The following ACAD11 variants were observed in gnomAD, a reference collection of about 807,000 sequenced individuals.
ACAD11 encodes the protein acyl-CoA dehydrogenase family member 11.
In ACAD11, 83 loss-of-function variants were observed where a neutral mutation model predicts 102.2. That is an observed-to-expected ratio of 0.81 (90% CI 0.68 to 0.97). ACAD11 has a LOEUF of 0.97. Ranked by LOEUF, ACAD11 falls within the 50% of genes least tolerant of loss-of-function variation. The pLI is 0.00. For synonymous variants in ACAD11, 324 were observed against 319.8 expected (o/e 1.01, Z -0.14); for missense variants, 901 against 951.7 (o/e 0.95, Z 0.70).
At chr3:132,611,322 G>A (rs1231422893) in intron 11 of ACAD11, among the ~76,000 whole-genome samples, 2 of 152,070 alleles carry the variant, frequency 1.3e-5, no homozygotes, top group Non-Finnish European at 1.5e-5. Context: ...ACAAGATAGG[G>A]ATGCCCTCTC....
At chr3:132,634,813 C>G (rs549130227) in intron 5 of ACAD11, among the ~76,000 whole-genome samples, 2 of 149,722 alleles carry the variant, frequency 1.3e-5, no homozygotes, top group South Asian at 2.1e-4. Context: ...GGACAAAAAA[C>G]CAAACACCAC....
chr3:132,592,548 T>C (rs547633873), intron 13 of ACAD11, among the ~76,000 whole-genome samples: 1 of 152,336 alleles, frequency 6.6e-6, no homozygotes, highest in African/African-American at 2.4e-5. Context: ...AAAATCATTT[T>C]CTAACAAAAG....
intron 7 of ACAD11, among the ~76,000 whole-genome samples, 175 bp from the exon 8 acceptor site, chr3:132,628,621 T>C (rs1217669416): frequency 6.6e-6 from 1 of 151,902 alleles, no homozygotes; most frequent in Non-Finnish European, 1.5e-5. Flanking sequence ...TTCTAAAGAG[T>C]CATACTCATA....
chr3:132,608,791 C>A (rs574663039), intron 11 of ACAD11, among the ~76,000 whole-genome samples: 1 of 152,258 alleles, frequency 6.6e-6, no homozygotes, highest in East Asian at 1.9e-4. Context: ...ACCAAGCAGA[C>A]CTAGTAGTCA....
chr3:132,626,586 AT>A, intron 9 of ACAD11, 104 bp downstream of exon 9: 1 of 1,332,564 alleles, frequency 7.5e-7, no homozygotes, highest in East Asian at 2.3e-5. Flanking sequence ...CTAGGTAAGG[AT>A]TGACTAAAGA....
At chr3:132,564,964 A>G (rs1937168752) in intron 17 of ACAD11, among the ~76,000 whole-genome samples, 2 of 152,162 alleles carry the variant, frequency 1.3e-5, no homozygotes, top group South Asian at 4.1e-4. Context: ...GAATCTAGTA[A>G]CCTGGAAATG....
At chr3:132,646,081 A>G (rs1193963600) in intron 1 of ACAD11, 1 of 148,672 alleles carries the variant, frequency 6.7e-6, no homozygotes, top group East Asian at 2.0e-4. Context: ...GGTTCACACC[A>G]TTCTCCTGCC....
intron 8 of ACAD11, among the ~76,000 whole-genome samples, chr3:132,627,270 C>T (rs1192873871): frequency 6.6e-6 from 1 of 152,164 alleles, no homozygotes; most frequent in African/African-American, 2.4e-5. Flanking sequence ...GGCAGGACCC[C>T]CCCTTTCTTT....
chr3:132,631,287 T>C, intron 6 of ACAD11, 54 bp downstream of exon 6: 2 of 1,112,970 alleles, frequency 1.8e-6, no homozygotes, highest in Non-Finnish European at 2.4e-6. Context: ...ATTATGAAAG[T>C]AATAAAGACA....
At chr3:132,623,264 G>T (rs1371507432) in intron 9 of ACAD11, among the ~76,000 whole-genome samples, 1 of 152,066 alleles carries the variant, frequency 6.6e-6, no homozygotes. Context: ...GACAAGTGCT[G>T]TTAAAGTATT....
intron 7 of ACAD11, among the ~76,000 whole-genome samples, chr3:132,630,092 T>C (rs1350182617): frequency 6.6e-6 from 1 of 152,146 alleles, no homozygotes; most frequent in African/African-American, 2.4e-5. Flanking sequence ...GGTTTCATAG[T>C]CTGAGGCAGA....
intron 1 of ACAD11, among the ~76,000 whole-genome samples, chr3:132,652,081 C>T (rs145343182): frequency 1.8e-4 from 28 of 152,208 alleles, no homozygotes; most frequent in African/African-American, 6.3e-4. Flanking sequence ...GTGTCCCCAC[C>T]CAAATCTTAT....
At chr3:132,655,447 T>A (rs918669686) in intron 1 of ACAD11, among the ~76,000 whole-genome samples, 21 of 152,218 alleles carry the variant, frequency 1.4e-4, no homozygotes, top group Non-Finnish European at 5.9e-5. Context: ...TTGCCCTTGC[T>A]TACACTACTT....
intron 11 of ACAD11, among the ~76,000 whole-genome samples, chr3:132,617,742 C>T (rs562511846): frequency 2.6e-5 from 4 of 152,184 alleles, no homozygotes; most frequent in Non-Finnish European, 5.9e-5. Context: ...AAGGTATAAG[C>T]CCCTCTTATT....
chr3:132,644,908 T>TAA lies in ACAD11; in HGVS notation c.150-14_150-13dup. ...TGGACTTTCCTGCTCTAGATAAAAG[T>TAA]AAAAAAAAAAAAGGTCAATTACAAA... On this transcript the variant is annotated splice_polypyrimidine_tract_variant and intron_variant, in intron 1 of 19. Transcript: ENST00000264990. 129 of 1,255,656 alleles carry TAA rather than the reference T, an allele frequency of 1.0e-4. No individual in the cohort carries two copies. Among genetic ancestry groups the TAA allele is most frequent in the Middle Eastern group, 2.0e-4 (1 of 4,896 alleles). 77.8% of individuals were successfully genotyped at this position (1,255,656 alleles called of 1,614,324 possible).
intron 11 of ACAD11, among the ~76,000 whole-genome samples, chr3:132,614,419 A>G (rs1042401711): frequency 6.6e-6 from 1 of 152,240 alleles, no homozygotes; most frequent in African/African-American, 2.4e-5. Flanking sequence ...ACCTGACTTC[A>G]AACTATACTA....
chr3:132,559,191 A>C lies in ACAD11; in HGVS notation c.2229-106T>G, dbSNP rs951991802. 1.3e-5 allele frequency: 11 copies of C among 815,152 alleles called. 1 individual carries two copies. Among genetic ancestry groups the C allele is most frequent in the Admixed American group, 2.5e-5 (1 of 40,726 alleles). 50.5% of individuals were successfully genotyped at this position (815,152 alleles called of 1,614,324 possible). A position where few individuals can be genotyped will look rare whatever the true frequency, so the allele number is the denominator to read the frequency against. ...CAACCAAGACTATATTAATTCTTAAATTCCACCAAGGTCAGGGTAAGAAAA... is the reference window on the plus strand; with the variant it reads ...CAACCAAGACTATATTAATTCTTAACTTCCACCAAGGTCAGGGTAAGAAAA... On this transcript the variant is annotated intron_variant, in intron 19 of 19. Coordinates refer to ENST00000264990, the MANE Select transcript of ACAD11 (RefSeq NM_032169.5).
At chr3:132,561,438 G>A in intron 17 of ACAD11, 1 of 507,540 alleles carries the variant, frequency 2.0e-6, no homozygotes, top group South Asian at 1.7e-5. Flanking sequence ...AAATATTTTA[G>A]AAAGAAATTT....
At chr3:132,588,007 G>C (rs563827272) in intron 13 of ACAD11, among the ~76,000 whole-genome samples, 13 of 152,150 alleles carry the variant, frequency 8.5e-5, no homozygotes, top group African/African-American at 2.9e-4. Flanking sequence ...ACTCTCCTCT[G>C]GTTCCTCAGG....
Sources: gnomAD v4.1 joint callset for allele counts (sites outside exome capture counted in the v4.1 genomes callset) on GRCh38, gnomAD v4.1.1 for gene constraint, MANE v1.5 for transcripts, NCBI Gene and HGNC (gene_info 2026-07-23, HGNC 2026-07-21) for gene names.